Variants in RBM6 observed in about 807,000 individuals in gnomAD.
RBM6 encodes RNA binding motif protein 6.
In RBM6, 23 loss-of-function variants were observed where a neutral mutation model predicts 140.4. That is an observed-to-expected ratio of 0.16 (90% CI 0.12 to 0.23). The LOEUF is 0.23. RBM6 is among the 10% of genes least tolerant of loss of function. RBM6 has a pLI of 1.00. For missense variants in RBM6, 1,139 were observed against 1,386.7 expected (o/e 0.82, Z 2.84); for synonymous variants, 439 against 475.6 (o/e 0.92, Z 1.00).
intron 1 of RBM6, among the ~76,000 whole-genome samples, chr3:49,960,255 A>G (rs770508628): frequency 1.9e-4 from 29 of 152,220 alleles, no homozygotes; most frequent in Non-Finnish European, 3.8e-4. Context: ...AAACACTGCC[A>G]TGCTGGAGAG....
intron 5 of RBM6, among the ~76,000 whole-genome samples, chr3:49,988,071 G>T (rs1414160649): frequency 1.3e-5 from 2 of 152,176 alleles, no homozygotes; most frequent in African/African-American, 4.8e-5. Flanking sequence ...TCATTTGTGG[G>T]ACTCAACTGA....
At chr3:50,020,439 A>G (rs1006002691) in intron 6 of RBM6, among the ~76,000 whole-genome samples, 6 of 152,108 alleles carry the variant, frequency 3.9e-5, no homozygotes, top group African/African-American at 1.4e-4. Flanking sequence ...CTGGTTTCCT[A>G]AAGTGGAAGC....
intron 5 of RBM6, among the ~76,000 whole-genome samples, chr3:49,976,853 T>G (rs2085085033): frequency 6.6e-6 from 1 of 152,218 alleles, no homozygotes; most frequent in African/African-American, 2.4e-5. Flanking sequence ...ACTGAAGACA[T>G]TGATACACAT....
At chr3:49,988,250 T>C (rs2108694798) in intron 5 of RBM6, among the ~76,000 whole-genome samples, 1 of 152,198 alleles carries the variant, frequency 6.6e-6, no homozygotes. Flanking sequence ...GCTCAAGGGA[T>C]CCTCCCACCT....
intron 4 of RBM6, 105 bp downstream of exon 4, chr3:49,972,253 G>A (rs2084832791): frequency 1.2e-6 from 1 of 839,648 alleles, no homozygotes; most frequent in African/African-American, 1.7e-5. Flanking sequence ...GAAATGCACA[G>A]AGAAGTCTTG....
At chr3:49,968,812 G>A (rs376000797) in intron 3 of RBM6, 64 bp downstream of exon 3, 13 of 1,428,768 alleles carry the variant, frequency 9.1e-6, no homozygotes, top group African/African-American at 1.7e-5. Flanking sequence ...ACGGAGTCTC[G>A]CTCTGTTGCC....
At chr3:49,942,809 TGAG>T in intron 1 of RBM6, among the ~76,000 whole-genome samples, 1 of 151,962 alleles carries the variant, frequency 6.6e-6, no homozygotes, top group East Asian at 1.9e-4. Context: ...TGCAGTGAGC[TGAG>T]GTCATGCCAT....
intron 7 of RBM6, among the ~76,000 whole-genome samples, chr3:50,051,431 C>T (rs575606402): frequency 2.0e-5 from 3 of 151,902 alleles, no homozygotes; most frequent in Non-Finnish European, 4.4e-5. Flanking sequence ...CATCTGAGGT[C>T]GGGAGTTGGA....
At chr3:50,054,429 G>A (rs375442058) in intron 8 of RBM6, 34 bp downstream of exon 8, 64 of 1,533,974 alleles carry the variant, frequency 4.2e-5, no homozygotes, top group African/African-American at 2.7e-4. Flanking sequence ...TTTTTATCTC[G>A]TGCATTGAGC....
chr3:50,068,653 C>CT (rs1184186028), intron 17 of RBM6, 37 bp from the exon 18 acceptor site: 1 of 1,593,538 alleles, frequency 6.3e-7, no homozygotes, highest in Non-Finnish European at 8.6e-7. Context: ...ACCATTGTTT[C>CT]TTAGACCTAT....
chr3:49,973,584 C>CTT (rs1226088993), intron 4 of RBM6, among the ~76,000 whole-genome samples: 46 of 131,334 alleles, frequency 3.5e-4, no homozygotes, highest in African/African-American at 5.7e-4. Context: ...TTCTGCTTTT[C>CTT]TTTTTTTTTT....
intron 1 of RBM6, among the ~76,000 whole-genome samples, chr3:49,947,246 C>T (rs1348160118): frequency 1.8e-4 from 20 of 109,152 alleles, no homozygotes; most frequent in African/African-American, 5.0e-4. Context: ...AGCGAGACTC[C>T]GTCTCAAAAA....
At chr3:50,018,591 T>C (rs898994528) in intron 6 of RBM6, among the ~76,000 whole-genome samples, 1 of 130,522 alleles carries the variant, frequency 7.7e-6, no homozygotes, top group South Asian at 2.8e-4. Flanking sequence ...GTTTTTTTTT[T>C]TTTTTTTTTT....
chr3:50,029,780 T>C (rs1368719104), intron 6 of RBM6, among the ~76,000 whole-genome samples: 1 of 151,980 alleles, frequency 6.6e-6, no homozygotes, highest in Non-Finnish European at 1.5e-5. Context: ...TTCCAACACT[T>C]GGGAGGCCGA....
chr3:49,959,541 A>G (rs1470769324), intron 1 of RBM6, among the ~76,000 whole-genome samples: 1 of 144,788 alleles, frequency 6.9e-6, no homozygotes, highest in Non-Finnish European at 1.5e-5. Flanking sequence ...TGCCATTTAC[A>G]GAATTCTTGG....
At chr3:49,966,858 G>C (rs750342888) in intron 2 of RBM6, among the ~76,000 whole-genome samples, 1 of 152,122 alleles carries the variant, frequency 6.6e-6, no homozygotes, top group African/African-American at 2.4e-5. Flanking sequence ...TTTAGATGCA[G>C]CCAGGGCTGA....
chr3:50,004,308 C>T (rs1220345586), intron 6 of RBM6, among the ~76,000 whole-genome samples: 3 of 55,654 alleles, frequency 5.4e-5, no homozygotes, highest in African/African-American at 1.4e-4. Flanking sequence ...TTCTCCCCTC[C>T]CCCCCCTCCC....
chr3:49,972,570 G>A (rs1292940232), intron 4 of RBM6, among the ~76,000 whole-genome samples: 1 of 152,142 alleles, frequency 6.6e-6, no homozygotes, highest in Non-Finnish European at 1.5e-5. Context: ...AATTAAGTCT[G>A]AACTTATGGC....
chr3:49,970,512 AG>A (rs2084742385), intron 3 of RBM6, among the ~76,000 whole-genome samples: 1 of 152,166 alleles, frequency 6.6e-6, no homozygotes, highest in African/African-American at 2.4e-5. Flanking sequence ...GTGATTGTTT[AG>A]GGATCATTTT....
Sources: gnomAD v4.1 joint callset for allele counts (sites outside exome capture counted in the v4.1 genomes callset) on GRCh38, gnomAD v4.1.1 for gene constraint, MANE v1.5 for transcripts, NCBI Gene and HGNC (gene_info 2026-07-23, HGNC 2026-07-21) for gene names.